PPP1R9A: variants seen among roughly 807,000 people sequenced by gnomAD.
The protein encoded by PPP1R9A is protein phosphatase 1 regulatory subunit 9A.
PPP1R9A carries 59 observed loss-of-function variants against 141.9 expected under a neutral mutation model. That is an observed-to-expected ratio of 0.42 (90% confidence interval 0.34 to 0.52). PPP1R9A has a LOEUF of 0.52. Among genes scored for constraint, PPP1R9A ranks in the 20% least tolerant of loss-of-function variants. The pLI, the probability that PPP1R9A is intolerant of heterozygous loss-of-function variation, is 0.10. For synonymous variants in PPP1R9A, 500 were observed against 569.7 expected, an observed-to-expected ratio of 0.88 and a Z score of 1.74; for missense variants, 1,444 against 1,611.9, an observed-to-expected ratio of 0.90 and a Z score of 1.78.
chr7:95,133,509 C>G (rs1009818320), intron 4 of PPP1R9A, among the ~76,000 whole-genome samples: 1 of 59,450 alleles, frequency 1.7e-5, no homozygotes, highest in Non-Finnish European at 3.2e-5. Flanking sequence ...ATTATGCAGT[C>G]GTATTATATA....
At chr7:94,994,885 C>T (rs973552964) in intron 2 of PPP1R9A, among the ~76,000 whole-genome samples, 2 of 150,368 alleles carry the variant, frequency 1.3e-5, no homozygotes, top group Non-Finnish European at 3.0e-5. Context: ...AACGAGACTC[C>T]GTCTCAAAAA....
At chr7:95,016,475 G>A (rs1805121790) in intron 2 of PPP1R9A, among the ~76,000 whole-genome samples, 1 of 151,948 alleles carries the variant, frequency 6.6e-6, no homozygotes, top group Non-Finnish European at 1.5e-5. Context: ...CAGAATATTA[G>A]TAAATCAAAT....
intron 13 of PPP1R9A, 151 bp from the exon 14 acceptor site, chr7:95,269,056 T>C (rs1030671041): frequency 1.4e-5 from 10 of 694,370 alleles, no homozygotes; most frequent in Non-Finnish European, 2.3e-5. Context: ...TATGGTGAAT[T>C]GGTATGAACC....
intron 14 of PPP1R9A, among the ~76,000 whole-genome samples, chr7:95,271,413 G>C (rs1055524177): frequency 6.6e-6 from 1 of 152,186 alleles, no homozygotes; most frequent in Non-Finnish European, 1.5e-5. Context: ...ACCTTGACTA[G>C]GTAACAGGTA....
intron 8 of PPP1R9A, among the ~76,000 whole-genome samples, chr7:95,231,981 A>G (rs1796022481): frequency 6.6e-6 from 1 of 152,172 alleles, no homozygotes; most frequent in Non-Finnish European, 1.5e-5. Flanking sequence ...AATAAAATTG[A>G]TAGATCTCTA....
At chr7:95,127,639 T>C (rs1369068794) in intron 4 of PPP1R9A, among the ~76,000 whole-genome samples, 1 of 151,990 alleles carries the variant, frequency 6.6e-6, no homozygotes, top group Non-Finnish European at 1.5e-5. Context: ...TAGTACCCAA[T>C]AGTTAATTTT....
chr7:95,064,310 C>T (rs574740339), intron 2 of PPP1R9A, among the ~76,000 whole-genome samples: 1 of 152,276 alleles, frequency 6.6e-6, no homozygotes, highest in South Asian at 2.1e-4. Flanking sequence ...TAGTATACTG[C>T]TATAGCTCAT....
intron 8 of PPP1R9A, among the ~76,000 whole-genome samples, chr7:95,246,405 A>G (rs555600237): frequency 6.6e-6 from 1 of 152,192 alleles, no homozygotes; most frequent in South Asian, 2.1e-4. Flanking sequence ...TAAATCCAAA[A>G]CGCTCCCAGT....
intron 7 of PPP1R9A, among the ~76,000 whole-genome samples, chr7:95,214,897 A>G (rs1410822908): frequency 6.6e-6 from 1 of 152,190 alleles, no homozygotes; most frequent in Non-Finnish European, 1.5e-5. Flanking sequence ...TGAGTAATCT[A>G]GAGAAGGATT....
chr7:95,081,886 C>T (rs924776398), intron 2 of PPP1R9A, among the ~76,000 whole-genome samples: 3 of 152,172 alleles, frequency 2.0e-5, no homozygotes, highest in Admixed American at 2.0e-4. Context: ...ACCTTCTCCC[C>T]TGCCCCCAAC....
At chr7:95,043,538 G>A (rs1809555336) in intron 2 of PPP1R9A, among the ~76,000 whole-genome samples, 1 of 152,066 alleles carries the variant, frequency 6.6e-6, no homozygotes. Flanking sequence ...CAGTGATCTC[G>A]ACCTACTTCT....
chr7:94,946,626 A>G (rs374698541), intron 2 of PPP1R9A, among the ~76,000 whole-genome samples: 28 of 152,262 alleles, frequency 1.8e-4, no homozygotes, highest in African/African-American at 6.3e-4. Context: ...TATTCTTTCC[A>G]TAGGATTTAG....
chr7:95,269,846 C>T (rs1325818198), intron 14 of PPP1R9A, among the ~76,000 whole-genome samples: 4 of 151,990 alleles, frequency 2.6e-5, no homozygotes, highest in South Asian at 2.1e-4. Context: ...AAATATAGAG[C>T]GATTTTGTAG....
chr7:95,255,359 GT>G (rs2153017230), intron 12 of PPP1R9A, among the ~76,000 whole-genome samples: 1 of 152,246 alleles, frequency 6.6e-6, no homozygotes, highest in Non-Finnish European at 1.5e-5. Context: ...TTGAAGGCTG[GT>G]TTGCTAAAGG....
rs145924738 is a variant in PPP1R9A at position 95,253,347 on chromosome 7, C to T, written c.2665+1217C>T. On this transcript the variant is annotated intron_variant, in intron 12 of 19. Transcript: ENST00000433360. ...TCTCCAGTGAAGTTTTCCTGATAAG[C>T]AAGTGTTTATATCCTATCATGAACT... 1.5e-3 allele frequency among the ~76,000 whole-genome samples: 226 copies of T among 152,200 alleles called. 1 individual carries two copies. The highest frequency in any genetic ancestry group is 5.4e-3 in the African/African-American group (223 of 41,516).
chr7:95,064,618 GT>G lies in PPP1R9A; in HGVS notation c.1396-46636del, dbSNP rs899791318. 8.1e-4 allele frequency among the ~76,000 whole-genome samples: 123 copies of G among 152,330 alleles called. 1 individual carries two copies. Among genetic ancestry groups the G allele is most frequent in the African/African-American group, 2.9e-3 (119 of 41,580 alleles). The stretch of plus-strand genomic sequence containing the variant: ...GAACGTGCCCATTGGGCAACTCAAA[GT>G]TTTTGTCACTCTGACCTGTCAGCAA... On this transcript the variant is annotated intron_variant, in intron 2 of 19. Coordinates refer to ENST00000433360, the MANE Select transcript of PPP1R9A (RefSeq NM_001166160.2).
rs537637660 is a variant in PPP1R9A, at chr7:95,221,490, G to A, written c.1957-4471G>A. Among the ~76,000 whole-genome samples, 288 of 151,972 alleles carry A rather than the reference G, an allele frequency of 1.9e-3. 1 individual carries two copies. The highest frequency in any genetic ancestry group is 6.7e-3 in the African/African-American group (276 of 41,466). On this transcript the variant is annotated intron_variant, in intron 7 of 19. Coordinates refer to ENST00000433360, the MANE Select transcript of PPP1R9A (RefSeq NM_001166160.2). ...TCTATAGCTCTCATGAGTGTCCCAGGCTCTAGTATGTCTACATACGTCTCC... is the reference window on the plus strand; with the variant it reads ...TCTATAGCTCTCATGAGTGTCCCAGACTCTAGTATGTCTACATACGTCTCC...
At chr7:95,118,964 A>G (rs1254865132) in intron 3 of PPP1R9A, among the ~76,000 whole-genome samples, 1 of 149,472 alleles carries the variant, frequency 6.7e-6, no homozygotes, top group Non-Finnish European at 1.5e-5. Flanking sequence ...CCTGATCAAC[A>G]GAGTGAGACC....
chr7:95,269,057 G>A (rs371425902), intron 13 of PPP1R9A, 150 bp from the exon 14 acceptor site: 51 of 711,976 alleles, frequency 7.2e-5, no homozygotes, highest in Non-Finnish European at 9.8e-5. Context: ...ATGGTGAATT[G>A]GTATGAACCA....
Sources: allele counts gnomAD v4.1 joint callset (sites outside exome capture counted in the v4.1 genomes callset), GRCh38; gene constraint gnomAD v4.1.1; transcripts MANE v1.5; gene names NCBI Gene and HGNC (gene_info 2026-07-23, HGNC 2026-07-21).